Variants in IRS1 observed in about 807,000 individuals in gnomAD.
The protein encoded by IRS1 is insulin receptor substrate 1.
A neutral mutation model predicts 65.6 loss-of-function variants in IRS1; 34 were observed. The observed-to-expected ratio is 0.52, with a 90% confidence interval of 0.39 to 0.69. IRS1 has a LOEUF of 0.69. Among genes scored for constraint, IRS1 ranks in the 30% least tolerant of loss-of-function variants. The pLI is 0.00. For synonymous variants in IRS1, 699 were observed against 683.5 expected, an observed-to-expected ratio of 1.02 and a Z score of -0.35; for missense variants, 1,641 against 1,720.2, an observed-to-expected ratio of 0.95 and a Z score of 0.81.
chr2:226,733,521 A>G lies in IRS1; in HGVS notation c.*2751T>C, dbSNP rs1454618903. 2 of 152,234 alleles carry G rather than the reference A, an allele frequency of 1.3e-5. No homozygotes were observed. The highest frequency in any genetic ancestry group is 4.8e-5 in the African/African-American group (2 of 41,454). 9.4% of individuals were successfully genotyped at this position (152,234 alleles called of 1,614,324 possible). A position where few individuals can be genotyped will look rare whatever the true frequency, so the allele number is the denominator to read the frequency against. ...ATAAAACATATTTGTTCTTTTCGCA[A>G]AAGAGGATTTTAAAACTCTGCTTAA... On this transcript the variant is annotated 3_prime_UTR_variant, in exon 2 of 2. Coordinates refer to ENST00000305123, the MANE Select transcript of IRS1 (RefSeq NM_005544.3).
rs199855211 is a variant in IRS1 at position 226,797,733 on chromosome 2, T to C, written c.1006A>G (p.Met336Val). The change falls in exon 1 of 2, where the codon ATG becomes GTG. Residue 336 changes from methionine (M) to valine (V), a missense_variant. Coordinates refer to ENST00000305123, the MANE Select transcript of IRS1 (RefSeq NM_005544.3). This position sits in a 1 kb window ranked among gnomAD's most constrained non-coding sequence, Gnocchi z 8.1. Reference sequence around the variant, plus strand: ...CCGTCCACCGAGGCTGGGCGGGACATGGTGCCTTCGCCGTCACTGGAGGCG... The same window carrying C: ...CCGTCCACCGAGGCTGGGCGGGACACGGTGCCTTCGCCGTCACTGGAGGCG... ...VRASSDGEGT[M>V]SRPASVDGSP... 37 of 1,597,612 alleles carry C rather than the reference T, an allele frequency of 2.3e-5. No individual in the cohort carries two copies. In the Admixed American group the frequency reaches 4.7e-4, roughly 20 times the overall value.
intron 1 of IRS1, among the ~76,000 whole-genome samples, chr2:226,785,315 T>A (rs1476583641): frequency 6.6e-6 from 1 of 152,042 alleles, no homozygotes; most frequent in Non-Finnish European, 1.5e-5. Flanking sequence ...CTTAAGACAC[T>A]TTTCTGGCCA....
At chr2:226,778,097 A>G (rs1310402329) in intron 1 of IRS1, among the ~76,000 whole-genome samples, 5 of 152,128 alleles carry the variant, frequency 3.3e-5, no homozygotes, top group Non-Finnish European at 7.4e-5. Flanking sequence ...TACCAAGGTT[A>G]TGATTTTTCC....
At position 226,796,261 on chromosome 2, in the gene IRS1, C is replaced by A; in HGVS notation, c.2478G>T (p.Glu826Asp). Residue 826 changes from glutamate (E) to aspartate (D), a missense_variant, in exon 1 of 2, where the codon GAG becomes GAT. Physicochemically the swap from Glu to Asp is conservative, Grantham distance 45 (BLOSUM62 2). This residue lies in a region of IRS1 where 1,324 missense variants were observed against 1,361.0 expected (regional missense o/e 0.97). Transcript: ENST00000305123. ...GATGGTGGGGATGTGGAAGGCTGGG[C>A]TCCAGCCTAGCCCCGCAGTATCCCC... ...LGGGYCGARL[E>D]PSLPHPHHQV... is the part of the protein sequence containing the mutation. The A allele has an allele frequency of 6.2e-7, 1 of 1,613,456 alleles. No individual in the cohort carries two copies.
chr2:226,795,559 C>T lies in IRS1; in HGVS notation c.3180G>A (p.Leu1060=), dbSNP rs757558816. 4.3e-6 allele frequency: 7 copies of T among 1,612,996 alleles called. No homozygotes were observed. The highest frequency in any genetic ancestry group is 5.1e-6 in the Non-Finnish European group (6 of 1,179,986). The part of the protein sequence containing the change: ...AAELAAHSSL[L]GGPQGPGGMS... ...TGCCCCCAGGTCCTTGTGGGCCCCC[C>T]AGCAGGGACGAGTGGGCAGCCAGCT... is the stretch of plus-strand genomic sequence containing the variant. Residue 1060 remains leucine (L), a synonymous_variant, in exon 1 of 2, where the codon CTG becomes CTA. Transcript: ENST00000305123.
intron 1 of IRS1, among the ~76,000 whole-genome samples, chr2:226,746,780 G>T (rs1325366092): frequency 2.7e-5 from 4 of 147,416 alleles, no homozygotes; most frequent in Non-Finnish European, 5.9e-5. Flanking sequence ...TTTCCTAGCA[G>T]CATTCTTTTT....
At chr2:226,788,875 A>G (rs1939536883) in intron 1 of IRS1, among the ~76,000 whole-genome samples, 1 of 152,212 alleles carries the variant, frequency 6.6e-6, no homozygotes, top group African/African-American at 2.4e-5. Context: ...CTGCATAGCT[A>G]TGGACTAATA....
At chr2:226,743,789 G>A (rs941808079) in intron 1 of IRS1, among the ~76,000 whole-genome samples, 2 of 152,118 alleles carry the variant, frequency 1.3e-5, no homozygotes, top group Non-Finnish European at 2.9e-5. Flanking sequence ...AGGTTTTATA[G>A]GTCTGGCTTT....
intron 1 of IRS1, chr2:226,792,162 G>T (rs967827178): frequency 1.3e-5 from 2 of 152,066 alleles, no homozygotes; most frequent in Non-Finnish European, 2.9e-5. Flanking sequence ...TCTTTTAAAG[G>T]GGGAGGGCAT....
rs560202847 is a variant in IRS1, at chr2:226,749,252, T to C, written c.*22-13002A>G. Among the ~76,000 whole-genome samples the C allele has an allele frequency of 3.9e-5, 6 of 152,176 alleles. No homozygotes were observed. The East Asian group carries it at 1.2e-3, about 29-fold the overall frequency. On this transcript the variant is annotated intron_variant, in intron 1 of 1. Transcript: ENST00000305123. ...TCATTTGGTTTCTCCACGCTTTCCT[T>C]CTGTAACAATGTAAGCAAGAGTTGT...
chr2:226,782,346 G>T (rs909047150), intron 1 of IRS1, among the ~76,000 whole-genome samples: 1 of 152,202 alleles, frequency 6.6e-6, no homozygotes, highest in African/African-American at 2.4e-5. Flanking sequence ...GGAGAGCTGG[G>T]TGAAGAGTTA....
intron 1 of IRS1, among the ~76,000 whole-genome samples, chr2:226,749,840 C>T (rs910153655): frequency 3.3e-5 from 5 of 152,124 alleles, no homozygotes; most frequent in African/African-American, 1.2e-4. Flanking sequence ...GCATCTACCA[C>T]GTGACCAAGT....
At position 226,797,368 on chromosome 2, in the gene IRS1, G is replaced by A; in HGVS notation, c.1371C>T (p.Arg457=). The A allele has an allele frequency of 1.2e-6, 2 of 1,613,058 alleles. No individual in the cohort carries two copies. Among genetic ancestry groups the A allele is most frequent in the Non-Finnish European group, 1.7e-6 (2 of 1,179,766 alleles). The part of the protein sequence containing the change: ...PDSLGHTPPA[R]GEEELSNYIC... ...TATAGTTGCTTAGCTCCTCCTCACC[G>A]CGGGCTGGTGGGGTGTGGCCCAGGG... Residue 457 remains arginine, a synonymous_variant, in exon 1 of 2, where the codon CGC becomes CGT. Transcript: ENST00000305123. This position sits in a 1 kb window ranked among gnomAD's most constrained non-coding sequence, Gnocchi z 8.1.
chr2:226,757,339 G>A (rs1428137948), intron 1 of IRS1, among the ~76,000 whole-genome samples: 1 of 152,140 alleles, frequency 6.6e-6, no homozygotes, highest in African/African-American at 2.4e-5. Flanking sequence ...TGAGGCTGAG[G>A]CACAGTGGCT....
intron 1 of IRS1, among the ~76,000 whole-genome samples, chr2:226,784,740 C>T (rs1388694136): frequency 6.6e-6 from 1 of 152,166 alleles, no homozygotes; most frequent in East Asian, 1.9e-4. Context: ...CAAATGTTAT[C>T]TGTTACCACA....
chr2:226,745,363 T>C (rs937033817), intron 1 of IRS1, among the ~76,000 whole-genome samples: 1 of 152,232 alleles, frequency 6.6e-6, no homozygotes, highest in Non-Finnish European at 1.5e-5. Context: ...AAAATGTACT[T>C]TAGGGAATTC....
Position 226,798,712 on chromosome 2 carries a change from G to A in IRS1, c.27C>T (p.Gly9=), listed in dbSNP as rs771634742. 8 of 1,612,638 alleles carry A rather than the reference G, an allele frequency of 5.0e-6. No homozygotes were observed. Among genetic ancestry groups the A allele is most frequent in the Non-Finnish European group, 6.8e-6 (8 of 1,179,802 alleles). Residue 9 remains glycine (G), a synonymous_variant, in exon 1 of 2, where the codon GGC becomes GGT. Coordinates refer to ENST00000305123, the MANE Select transcript of IRS1 (RefSeq NM_005544.3). This position sits in a 1 kb window ranked among gnomAD's most constrained non-coding sequence, Gnocchi z 9.4. ...AGCCCACCTTGCGCACGTCCGAGAA[G>A]CCATCGCTCTCCGGAGGGCTCGCCA... The part of the protein sequence containing the change: MASPPESD[G]FSDVRKVGYL...
intron 1 of IRS1, among the ~76,000 whole-genome samples, chr2:226,773,085 C>G (rs1939194489): frequency 6.6e-6 from 1 of 152,148 alleles, no homozygotes; most frequent in Non-Finnish European, 1.5e-5. Flanking sequence ...AAAGAGAATA[C>G]CGTAGAGGTC....
chr2:226,778,053 T>G (rs1023044198), intron 1 of IRS1, among the ~76,000 whole-genome samples: 1 of 152,162 alleles, frequency 6.6e-6, no homozygotes. Context: ...ATTTCCTGTC[T>G]TATTTCCTCT....
Sources: gnomAD v4.1 joint callset for allele counts (sites outside exome capture counted in the v4.1 genomes callset) on GRCh38, gnomAD v4.1.1 for gene constraint, gnomAD v4.1.1 regional missense constraint, Gnocchi (gnomAD v3.1) non-coding constraint, MANE v1.5 for transcripts, NCBI Gene and HGNC (gene_info 2026-07-23, HGNC 2026-07-21) for gene names.